RBL1: variants seen among roughly 807,000 people sequenced by gnomAD.
The protein encoded by RBL1 is RB transcriptional corepressor like 1.
A neutral mutation model predicts 123.0 loss-of-function variants in RBL1; 82 were observed. That is an observed-to-expected ratio of 0.67 (90% CI 0.56 to 0.80). The LOEUF (loss-of-function observed/expected upper bound fraction) is 0.80, where lower values mean the gene tolerates loss of function less well. Among genes scored for constraint, RBL1 ranks in the 30% least tolerant of loss-of-function variants. The pLI is 0.00. For missense variants in RBL1, 1,171 were observed against 1,299.6 expected (o/e 0.90, Z 1.52); for synonymous variants, 405 against 441.3 (o/e 0.92, Z 1.03).
At chr20:37,044,731 T>G (rs545132281) in intron 12 of RBL1, among the ~76,000 whole-genome samples, 1 of 152,362 alleles carries the variant, frequency 6.6e-6, no homozygotes, top group East Asian at 1.9e-4. Context: ...AAGGAGTTTT[T>G]AAGTTCTTTA....
In RBL1 at chr20:37,074,773, C is replaced by T. The variant is rs147932654; in HGVS notation, c.291-6587G>A. 4.4e-3 allele frequency among the ~76,000 whole-genome samples: 669 copies of T among 151,788 alleles called. 8 individuals carry two copies. The highest frequency in any genetic ancestry group is 0.016 in the African/African-American group (644 of 41,372). On this transcript the variant is annotated intron_variant, in intron 2 of 21. Coordinates refer to ENST00000373664, the MANE Select transcript of RBL1 (RefSeq NM_002895.5). ...CTGGGAGGCGCAGGTTGCAGTGAGC[C>T]GAGATCATGCCACTGCACTCCAGCC...
intron 14 of RBL1, among the ~76,000 whole-genome samples, chr20:37,038,243 C>T (rs559004974): frequency 1.2e-4 from 18 of 150,370 alleles, no homozygotes; most frequent in African/African-American, 4.4e-4. Flanking sequence ...CCACCTGCCT[C>T]GGCCTCCCAA....
chr20:37,064,617 T>C (rs2065150047), intron 7 of RBL1, among the ~76,000 whole-genome samples: 1 of 152,078 alleles, frequency 6.6e-6, no homozygotes, highest in Non-Finnish European at 1.5e-5. Flanking sequence ...CAATAATTTT[T>C]TTTTTTAATT....
chr20:37,010,774 G>A (rs1000936473), intron 19 of RBL1, among the ~76,000 whole-genome samples: 1 of 150,506 alleles, frequency 6.6e-6, no homozygotes, highest in African/African-American at 2.5e-5. Context: ...GTGTGTGTGT[G>A]TGTGTGTGTG....
At chr20:37,023,419 G>A (rs886138276) in intron 16 of RBL1, among the ~76,000 whole-genome samples, 2 of 151,998 alleles carry the variant, frequency 1.3e-5, no homozygotes, top group African/African-American at 2.4e-5. Flanking sequence ...CACTGTGCCC[G>A]GCTCGAATGC....
chr20:37,040,432 A>C, intron 13 of RBL1, 147 bp from the exon 14 acceptor site: 6 of 1,235,058 alleles, frequency 4.9e-6, no homozygotes, highest in Non-Finnish European at 5.4e-6. Flanking sequence ...GCTCACAGCA[A>C]CCTCCAACGC....
chr20:37,083,416 CAG>C (rs2065485412), intron 2 of RBL1, among the ~76,000 whole-genome samples: 1 of 151,478 alleles, frequency 6.6e-6, no homozygotes, highest in Non-Finnish European at 1.5e-5. Context: ...TGCAAGTGAG[CAG>C]AGATCGCGAC....
At chr20:37,017,944 T>C (rs2064283635) in intron 19 of RBL1, among the ~76,000 whole-genome samples, 1 of 152,120 alleles carries the variant, frequency 6.6e-6, no homozygotes, top group Non-Finnish European at 1.5e-5. Flanking sequence ...CGGGACATTT[T>C]CTTAACAGAC....
chr20:37,008,677 C>G (rs2064110612), intron 19 of RBL1, among the ~76,000 whole-genome samples: 1 of 152,208 alleles, frequency 6.6e-6, no homozygotes, highest in African/African-American at 2.4e-5. Flanking sequence ...TCTCAATACA[C>G]TGGCCTACAA....
chr20:37,062,629 G>C (rs887927400), intron 7 of RBL1, among the ~76,000 whole-genome samples: 1 of 83,128 alleles, frequency 1.2e-5, no homozygotes, highest in Non-Finnish European at 2.1e-5. Context: ...CCTGGCAACA[G>C]AACAAGACTC....
intron 16 of RBL1, among the ~76,000 whole-genome samples, chr20:37,030,942 G>A (rs2064502020): frequency 6.6e-6 from 1 of 151,554 alleles, no homozygotes; most frequent in Non-Finnish European, 1.5e-5. Flanking sequence ...GCTGCTCAGA[G>A]GGTCGAGGTG....
intron 14 of RBL1, among the ~76,000 whole-genome samples, chr20:37,037,835 T>C (rs1371846686): frequency 6.6e-6 from 1 of 151,886 alleles, no homozygotes; most frequent in Non-Finnish European, 1.5e-5. Context: ...TATAGGCGCA[T>C]GCTGCCATGC....
Position 37,032,773 on chromosome 20 carries a change from T to G in RBL1, c.2274A>C (p.Leu758Phe). ...KSPVSLTAHSLIGASPKQTNL... is the reference protein window; with the variant it reads ...KSPVSLTAHSFIGASPKQTNL... ...TGGTCTGTTTTGGAGAAGCACCAAT[T>G]AATGAATGAGCAGTAAGTGATACAG... Residue 758 changes from leucine to phenylalanine, a missense_variant, in exon 16 of 22, where the codon TTA (leucine) becomes TTC (phenylalanine). Leu to Phe is a conservative substitution (Grantham distance 22). Transcript: ENST00000373664. 6.2e-7 allele frequency: 1 copy of G among 1,614,064 alleles called. No individual in the cohort carries two copies. Among genetic ancestry groups the G allele is most frequent in the Non-Finnish European group, 8.5e-7 (1 of 1,179,982 alleles).
intron 11 of RBL1, among the ~76,000 whole-genome samples, chr20:37,051,004 CTTTTTT>C (rs998457010): frequency 6.6e-6 from 1 of 151,872 alleles, no homozygotes; most frequent in Non-Finnish European, 1.5e-5. Context: ...GAATTCTTTT[CTTTTTT>C]TAAGTTTTTT....
At chr20:37,020,843 C>T (rs529824348) in intron 17 of RBL1, 113 bp from the exon 18 acceptor site, 16 of 653,200 alleles carry the variant, frequency 2.4e-5, no homozygotes, top group African/African-American at 1.9e-4. Flanking sequence ...AACCATTAAC[C>T]CCAGGCCAGT....
chr20:37,000,067 C>T (rs2063941921), intron 21 of RBL1, among the ~76,000 whole-genome samples: 2 of 151,532 alleles, frequency 1.3e-5, no homozygotes, highest in South Asian at 2.1e-4. Flanking sequence ...GCCAGGCCGC[C>T]CATCTTCTGC....
At chr20:37,013,823 A>G (rs1388962139) in intron 19 of RBL1, among the ~76,000 whole-genome samples, 8 of 152,150 alleles carry the variant, frequency 5.3e-5, no homozygotes, top group Admixed American at 1.3e-4. Flanking sequence ...AATCTTTTCT[A>G]TGGGTGCTGG....
At chr20:37,030,777 C>A (rs1244929249) in intron 16 of RBL1, among the ~76,000 whole-genome samples, 1 of 151,890 alleles carries the variant, frequency 6.6e-6, no homozygotes, top group African/African-American at 2.4e-5. Flanking sequence ...ATTGCTTGAA[C>A]CCGGGAGGCA....
At chr20:37,049,478 AAAGG>A in intron 11 of RBL1, 2 of 755,174 alleles carry the variant, frequency 2.6e-6, no homozygotes, top group Non-Finnish European at 2.4e-6. Context: ...GGTGCTAAGA[AAAGG>A]AAGAAGTCTT....
Sources: allele counts gnomAD v4.1 joint callset (sites outside exome capture counted in the v4.1 genomes callset), GRCh38; gene constraint gnomAD v4.1.1; transcripts MANE v1.5; gene names NCBI Gene and HGNC (gene_info 2026-07-23, HGNC 2026-07-21).